GNA12: variants seen among roughly 807,000 people sequenced by gnomAD.
GNA12 encodes the protein guanine nucleotide-binding protein subunit alpha-12.
In GNA12, 9 loss-of-function variants were observed where a neutral mutation model predicts 26.0. The observed-to-expected ratio is 0.35, with a 90% CI of 0.21 to 0.60. The LOEUF (loss-of-function observed/expected upper bound fraction) is 0.60. GNA12 is among the 20% of genes least tolerant of loss of function. The probability of loss-of-function intolerance (pLI) is 0.78; values close to 1 mark genes in which losing one functional copy is unlikely to be tolerated. For missense variants in GNA12, 405 were observed against 525.8 expected, an observed-to-expected ratio of 0.77 and a Z score of 2.25; for synonymous variants, 264 against 219.6, an observed-to-expected ratio of 1.20 and a Z score of -1.79.
Position 2,738,322 on chromosome 7 carries a change from A to C in GNA12, c.526-4821T>G, listed in dbSNP as rs150709618. 2.2e-4 allele frequency among the ~76,000 whole-genome samples: 33 copies of C among 152,312 alleles called. No homozygotes were observed. In the East Asian group the frequency reaches 6.4e-3, roughly 29 times the overall value. Reference sequence around the variant, plus strand: ...AATTAGGTAACAGATTCACTGGCAGAAATACAAAGTGACGCAGGCACAAGC... The same window carrying C: ...AATTAGGTAACAGATTCACTGGCAGCAATACAAAGTGACGCAGGCACAAGC... On this transcript the variant is annotated intron_variant, in intron 2 of 3. Transcript: ENST00000275364.
chr7:2,739,969 G>A (rs113465583), intron 2 of GNA12, among the ~76,000 whole-genome samples: 14 of 152,210 alleles, frequency 9.2e-5, no homozygotes, highest in South Asian at 2.1e-4. Context: ...CACTGTGCCC[G>A]GCAGTCCTTT....
At chr7:2,829,915 G>A (rs985504126) in intron 1 of GNA12, among the ~76,000 whole-genome samples, 18 of 152,212 alleles carry the variant, frequency 1.2e-4, no homozygotes, top group African/African-American at 4.3e-4. Context: ...TCTGAGGAAA[G>A]GGAGATGATG....
chr7:2,732,684 C>G (rs934129968), intron 3 of GNA12, among the ~76,000 whole-genome samples: 1 of 152,206 alleles, frequency 6.6e-6, no homozygotes, highest in African/African-American at 2.4e-5. Context: ...TGACTACCAC[C>G]CACGGGGTGT....
rs762589914 is a variant in GNA12, at chr7:2,733,641, T to C, written c.526-140A>G. The C allele has an allele frequency of 1.8e-5, 12 of 662,048 alleles. No homozygotes were observed. In the Admixed American group the frequency reaches 3.1e-4, roughly 17 times the overall value. The allele number at this position is 662,048 out of a possible 1,614,324, so 41.0% of individuals were successfully genotyped here. ...AAGCAAAGGAAAAAGGCAGAGAGTGTCCGTGTGTTTTCTAAAATAAAAAAA... is the reference window on the plus strand; with the variant it reads ...AAGCAAAGGAAAAAGGCAGAGAGTGCCCGTGTGTTTTCTAAAATAAAAAAA... On this transcript the variant is annotated intron_variant, in intron 2 of 3. Coordinates refer to ENST00000275364, the MANE Select transcript of GNA12 (RefSeq NM_007353.3).
In GNA12 at chr7:2,844,008, G is replaced by A. The variant is rs1396572923; in HGVS notation, c.154C>T (p.Arg52Cys). ...ATCTTCACCAGGCGCCGGACCGCGCGCCGCTCGCGGGCCAGCAGCGCGTCG... is the reference window on the plus strand; with the variant it reads ...ATCTTCACCAGGCGCCGGACCGCGCACCGCTCGCGGGCCAGCAGCGCGTCG... Reference protein sequence around the residue: ...DIDALLARERRAVRRLVKILL... With the variant: ...DIDALLARERCAVRRLVKILL... The change falls in exon 1 of 4, where the codon CGC becomes TGC. Residue 52 changes from arginine (R) to cysteine (C), a missense_variant. Transcript: ENST00000275364. 2.7e-5 allele frequency: 42 copies of A among 1,527,324 alleles called. No homozygotes were observed. Among genetic ancestry groups the A allele is most frequent in the Non-Finnish European group, 3.1e-5 (35 of 1,137,686 alleles). The allele number at this position is 1,527,324 out of a possible 1,614,324, so 94.6% of individuals were successfully genotyped here.
rs146661993 is a variant in GNA12 at position 2,790,220 on chromosome 7, C to T, written c.525+4708G>A. Among the ~76,000 whole-genome samples, 697 of 152,284 alleles carry T rather than the reference C, an allele frequency of 4.6e-3. 8 individuals carry two copies. The highest frequency in any genetic ancestry group is 0.016 in the African/African-American group (657 of 41,576). ...CCGGATAGAATTGTCTGCTTTTTTC[C>T]TTTATGCTTAACATAGCCTGATTAT... On this transcript the variant is annotated intron_variant, in intron 2 of 3. Coordinates refer to ENST00000275364, the MANE Select transcript of GNA12 (RefSeq NM_007353.3).
intron 2 of GNA12, among the ~76,000 whole-genome samples, chr7:2,739,369 C>A (rs1244805427): frequency 1.3e-5 from 2 of 152,212 alleles, no homozygotes; most frequent in Non-Finnish European, 2.9e-5. Flanking sequence ...CATTGGAGCG[C>A]ATTCACACAG....
At chr7:2,747,473 C>T in intron 2 of GNA12, among the ~76,000 whole-genome samples, 1 of 152,182 alleles carries the variant, frequency 6.6e-6, no homozygotes, top group East Asian at 1.9e-4. Flanking sequence ...ATTCAACAAC[C>T]TTCATGCTAA....
chr7:2,794,192 A>C (rs569250813), intron 2 of GNA12, among the ~76,000 whole-genome samples: 2 of 152,204 alleles, frequency 1.3e-5, no homozygotes, highest in African/African-American at 2.4e-5. Flanking sequence ...TGGCAAAATC[A>C]TAAGAACGGC....
chr7:2,795,708 T>C (rs1379121288), intron 1 of GNA12, among the ~76,000 whole-genome samples: 1 of 151,480 alleles, frequency 6.6e-6, no homozygotes, highest in Admixed American at 6.6e-5. Context: ...TGCTTTCTGC[T>C]ATCATTCATT....
At chr7:2,813,153 TCA>T (rs1054769836) in intron 1 of GNA12, among the ~76,000 whole-genome samples, 7 of 152,196 alleles carry the variant, frequency 4.6e-5, no homozygotes, top group African/African-American at 1.7e-4. Context: ...ACTCCTGGCC[TCA>T]AGTGATCCTC....
chr7:2,828,867 G>A (rs535943190), intron 1 of GNA12, among the ~76,000 whole-genome samples: 60 of 152,216 alleles, frequency 3.9e-4, no homozygotes, highest in Admixed American at 1.7e-3. Context: ...ACCAGCCTGG[G>A]CAACATGGCA....
chr7:2,790,982 A>G (rs1792503502), intron 2 of GNA12, among the ~76,000 whole-genome samples: 1 of 152,068 alleles, frequency 6.6e-6, no homozygotes, highest in Admixed American at 6.6e-5. Context: ...TTTAAAAAAA[A>G]AAAAAAAAGG....
intron 2 of GNA12, among the ~76,000 whole-genome samples, chr7:2,760,002 G>A (rs1244779585): frequency 8.5e-5 from 13 of 152,214 alleles, no homozygotes; most frequent in Admixed American, 8.5e-4. Flanking sequence ...GCATAAAAAT[G>A]ACAGGAACAC....
At chr7:2,838,617 C>T (rs1397239081) in intron 1 of GNA12, among the ~76,000 whole-genome samples, 3 of 151,902 alleles carry the variant, frequency 2.0e-5, no homozygotes, top group East Asian at 3.9e-4. Context: ...TGACTTTACC[C>T]TAAATGTAAA....
chr7:2,835,778 C>T, intron 1 of GNA12: 1 of 729,204 alleles, frequency 1.4e-6, no homozygotes, highest in Non-Finnish European at 2.5e-6. Context: ...GTAGAAGATG[C>T]TCGTGACGGT....
chr7:2,740,200 T>C (rs1213153067), intron 2 of GNA12, among the ~76,000 whole-genome samples: 1 of 152,206 alleles, frequency 6.6e-6, no homozygotes, highest in Non-Finnish European at 1.5e-5. Context: ...CTGGTGATCT[T>C]TTCTAGGTGG....
At chr7:2,786,734 C>T (rs1433027345) in intron 2 of GNA12, among the ~76,000 whole-genome samples, 1 of 152,178 alleles carries the variant, frequency 6.6e-6, no homozygotes, top group East Asian at 1.9e-4. Context: ...GTGACCAGCA[C>T]AGACCGGGAC....
chr7:2,826,713 C>T (rs1793492685), intron 1 of GNA12, among the ~76,000 whole-genome samples: 1 of 152,154 alleles, frequency 6.6e-6, no homozygotes, highest in Non-Finnish European at 1.5e-5. Flanking sequence ...CTGATTCCAA[C>T]TACAGGACAT....
Sources: gnomAD v4.1 joint callset for allele counts (sites outside exome capture counted in the v4.1 genomes callset) on GRCh38, gnomAD v4.1.1 for gene constraint, MANE v1.5 for transcripts, NCBI Gene and HGNC (gene_info 2026-07-23, HGNC 2026-07-21) for gene names.